ADAMTS18: variants seen among roughly 807,000 people sequenced by gnomAD.
ADAMTS18 encodes the protein A disintegrin and metalloproteinase with thrombospondin motifs 18.
Under a neutral mutation model 165.9 loss-of-function variants are expected in ADAMTS18, and 157 were observed. The observed-to-expected ratio is 0.95, with a 90% CI of 0.83 to 1.08. The LOEUF is 1.08. Among genes scored for constraint, ADAMTS18 ranks in the 50% least tolerant of loss-of-function variants. The pLI is 0.00. For synonymous variants in ADAMTS18, 782 were observed against 578.2 expected (o/e 1.35, Z -5.06); for missense variants, 2,040 against 1,534.0 (o/e 1.33, Z -5.51).
At chr16:77,400,490 T>C (rs1360744800) in intron 3 of ADAMTS18, among the ~76,000 whole-genome samples, 2 of 148,900 alleles carry the variant, frequency 1.3e-5, no homozygotes, top group East Asian at 3.9e-4. Flanking sequence ...GTTTTGTTTT[T>C]TTTTTTTTTG....
chr16:77,423,591 G>C (rs1567556881), intron 3 of ADAMTS18, among the ~76,000 whole-genome samples: 2 of 152,122 alleles, frequency 1.3e-5, no homozygotes, highest in Non-Finnish European at 2.9e-5. Flanking sequence ...AGGATAAAGA[G>C]TTTTCCCTGT....
intron 16 of ADAMTS18, among the ~76,000 whole-genome samples, chr16:77,301,030 T>A (rs1444760787): frequency 5.3e-5 from 8 of 152,152 alleles, no homozygotes; most frequent in Non-Finnish European, 1.5e-5. Flanking sequence ...AACTGTGTGC[T>A]AGGATGAGCA....
rs548828570 is a variant in ADAMTS18 at position 77,304,754 on chromosome 16, C to T, written c.2533-4350G>A. ...AATTTGCTGTACATGTTCTTAGGAA[C>T]GTGCAGCTTTAAATTAACTCATAAA... On this transcript the variant is annotated intron_variant, in intron 16 of 22. Transcript: ENST00000282849. 1.4e-4 allele frequency among the ~76,000 whole-genome samples: 22 copies of T among 152,318 alleles called. No individual in the cohort carries two copies. In the East Asian group the frequency reaches 2.7e-3, roughly 19 times the overall value.
intron 3 of ADAMTS18, among the ~76,000 whole-genome samples, chr16:77,403,795 G>A (rs768369263): frequency 1.2e-4 from 18 of 152,170 alleles, no homozygotes; most frequent in Non-Finnish European, 1.9e-4. Flanking sequence ...TCTAGTGAGA[G>A]ACAAATAACC....
intron 3 of ADAMTS18, among the ~76,000 whole-genome samples, chr16:77,422,147 G>C (rs2057610782): frequency 6.6e-6 from 1 of 152,022 alleles, no homozygotes; most frequent in South Asian, 2.1e-4. Context: ...TTAATTCACA[G>C]ACCAATCCAT....
intron 3 of ADAMTS18, among the ~76,000 whole-genome samples, chr16:77,377,268 C>T (rs181162047): frequency 3.3e-4 from 50 of 152,284 alleles, no homozygotes; most frequent in South Asian, 1.0e-3. Flanking sequence ...AGACTGCAGC[C>T]TCCAGATGTA....
rs2056773814 is a variant in ADAMTS18, at chr16:77,365,080, G to A, written c.779-699C>T. On this transcript the variant is annotated intron_variant, in intron 4 of 22. Transcript: ENST00000282849. ...AAGATCACCCCACTGCAGTCCATAAGGAAGTCTCTCCTTTATGTCCTCAAA... is the reference window on the plus strand; with the variant it reads ...AAGATCACCCCACTGCAGTCCATAAAGAAGTCTCTCCTTTATGTCCTCAAA... Among the ~76,000 whole-genome samples the A allele has an allele frequency of 2.0e-5, 3 of 152,094 alleles. 1 individual carries two copies. In the South Asian group the frequency reaches 6.2e-4, roughly 32 times the overall value.
intron 3 of ADAMTS18, among the ~76,000 whole-genome samples, chr16:77,426,297 G>T (rs368629951): frequency 6.6e-6 from 1 of 151,988 alleles, no homozygotes; most frequent in Non-Finnish European, 1.5e-5. Flanking sequence ...GGGTACCATT[G>T]TGTTGATGTT....
chr16:77,434,397 G>A (rs1233609136), intron 2 of ADAMTS18, 21 bp downstream of exon 2: 3 of 1,560,290 alleles, frequency 1.9e-6, no homozygotes, highest in Non-Finnish European at 2.6e-6. Context: ...CCCTTCTTGG[G>A]GATGGGGGGC....
At chr16:77,422,222 C>A (rs539946412) in intron 3 of ADAMTS18, among the ~76,000 whole-genome samples, 2 of 151,952 alleles carry the variant, frequency 1.3e-5, no homozygotes. Context: ...CACTGAGGCC[C>A]GCAGACAGGT....
chr16:77,381,653 T>C (rs963149875), intron 3 of ADAMTS18, among the ~76,000 whole-genome samples: 4 of 151,900 alleles, frequency 2.6e-5, no homozygotes, highest in East Asian at 3.9e-4. Context: ...AATACAAAAA[T>C]TAGCCAGCTG....
intron 9 of ADAMTS18, 43 bp downstream of exon 9, chr16:77,355,897 T>C (rs773969815): frequency 6.2e-7 from 1 of 1,613,060 alleles, no homozygotes; most frequent in Non-Finnish European, 8.5e-7. Flanking sequence ...AATTCTGTCA[T>C]CACTCCAAAC....
chr16:77,312,162 T>G (rs2055793930), intron 16 of ADAMTS18, among the ~76,000 whole-genome samples: 1 of 152,160 alleles, frequency 6.6e-6, no homozygotes, highest in Non-Finnish European at 1.5e-5. Flanking sequence ...GATAGATTGA[T>G]GAACCGGATC....
chr16:77,391,221 G>A (rs2057181830), intron 3 of ADAMTS18, among the ~76,000 whole-genome samples: 1 of 152,240 alleles, frequency 6.6e-6, no homozygotes, highest in South Asian at 2.1e-4. Context: ...CTAAAAGACA[G>A]GCCAGGCATG....
At chr16:77,368,372 G>C (rs1292294176) in intron 3 of ADAMTS18, among the ~76,000 whole-genome samples, 3 of 151,868 alleles carry the variant, frequency 2.0e-5, no homozygotes, top group Non-Finnish European at 4.4e-5. Context: ...CCACTGGATA[G>C]AGTGATGAAT....
intron 4 of ADAMTS18, among the ~76,000 whole-genome samples, chr16:77,366,098 T>A (rs1468398618): frequency 6.6e-6 from 1 of 152,168 alleles, no homozygotes; most frequent in East Asian, 1.9e-4. Flanking sequence ...TGGTAGAAAC[T>A]CTTTCATTAT....
chr16:77,363,911 A>G, intron 5 of ADAMTS18, 26 bp from the exon 6 acceptor site: 1 of 1,610,762 alleles, frequency 6.2e-7, no homozygotes, highest in Non-Finnish European at 8.5e-7. Context: ...AAATCAAACA[A>G]AATCTCAAAA....
chr16:77,284,568 AG>A (rs1241728427), intron 22 of ADAMTS18, among the ~76,000 whole-genome samples: 1 of 152,022 alleles, frequency 6.6e-6, no homozygotes, highest in Non-Finnish European at 1.5e-5. Flanking sequence ...GGACTTTGGT[AG>A]GGGGGTGAGG....
chr16:77,285,514 T>A (rs561568052), intron 22 of ADAMTS18, among the ~76,000 whole-genome samples: 52 of 151,186 alleles, frequency 3.4e-4, no homozygotes, highest in Non-Finnish European at 5.9e-4. Context: ...TTTAAAAATA[T>A]TTAGAGTATA....
Sources: allele counts gnomAD v4.1 joint callset (sites outside exome capture counted in the v4.1 genomes callset), GRCh38; gene constraint gnomAD v4.1.1; transcripts MANE v1.5; gene names NCBI Gene and HGNC (gene_info 2026-07-23, HGNC 2026-07-21).